The following HBS1L variants were observed in gnomAD, a reference collection of about 807,000 sequenced individuals.
HBS1L encodes the protein HBS1-like protein.
HBS1L carries 55 observed loss-of-function variants against 88.9 expected under a neutral mutation model. The observed-to-expected ratio is 0.62, with a 90% CI of 0.50 to 0.77. The LOEUF (loss-of-function observed/expected upper bound fraction) is 0.77, where lower values mean the gene tolerates loss of function less well. Among genes scored for constraint, HBS1L ranks in the 30% least tolerant of loss-of-function variants. HBS1L has a pLI of 0.00. For synonymous variants in HBS1L, 267 were observed against 288.5 expected, an observed-to-expected ratio of 0.93 and a Z score of 0.76; for missense variants, 741 against 829.3, an observed-to-expected ratio of 0.89 and a Z score of 1.31.
intron 4 of HBS1L, among the ~76,000 whole-genome samples, chr6:135,009,860 G>A (rs952976999): frequency 1.3e-5 from 2 of 150,342 alleles, no homozygotes; most frequent in African/African-American, 2.5e-5. Flanking sequence ...TCGATCTCCT[G>A]ACCTCGTGAT....
Position 135,048,457 on chromosome 6 carries a change from C to T in HBS1L, c.109+2125G>A, listed in dbSNP as rs1287559349. 2.0e-5 allele frequency among the ~76,000 whole-genome samples: 3 copies of T among 152,170 alleles called. No homozygotes were observed. The East Asian group carries it at 5.8e-4, about 29-fold the overall frequency. ...GGCACCAGCATCAGCCATGCAGTGCCTCCCTGCCCAGAGGTCTGAGTCCTG... is the reference window on the plus strand; with the variant it reads ...GGCACCAGCATCAGCCATGCAGTGCTTCCCTGCCCAGAGGTCTGAGTCCTG... On this transcript the variant is annotated intron_variant, in intron 2 of 17. Transcript: ENST00000367837.
At chr6:135,021,885 A>G (rs914281295) in intron 4 of HBS1L, among the ~76,000 whole-genome samples, 2 of 152,186 alleles carry the variant, frequency 1.3e-5, no homozygotes, top group African/African-American at 4.8e-5. Context: ...GCTGATATTC[A>G]AAATGTTAAT....
intron 2 of HBS1L, among the ~76,000 whole-genome samples, chr6:135,049,940 T>C (rs1265941017): frequency 6.6e-6 from 1 of 152,184 alleles, no homozygotes; most frequent in Non-Finnish European, 1.5e-5. Context: ...TGGAGACAAA[T>C]GTAGTGTTAG....
At chr6:135,037,377 A>T (rs1776587925) in intron 4 of HBS1L, 1 of 1,551,414 alleles carries the variant, frequency 6.4e-7, no homozygotes, top group Non-Finnish European at 8.7e-7. Flanking sequence ...CATTTTTAAA[A>T]GTGTGATTCT....
At chr6:135,049,261 A>T (rs1436097264) in intron 2 of HBS1L, among the ~76,000 whole-genome samples, 2 of 152,184 alleles carry the variant, frequency 1.3e-5, no homozygotes, top group Non-Finnish European at 2.9e-5. Flanking sequence ...CTAACATGAC[A>T]GAAGGGAAAG....
At chr6:134,994,429 T>C (rs980476782) in intron 7 of HBS1L, among the ~76,000 whole-genome samples, 6 of 152,276 alleles carry the variant, frequency 3.9e-5, no homozygotes, top group African/African-American at 1.4e-4. Flanking sequence ...TATTTAATTC[T>C]TCCTGGAGAC....
At chr6:134,984,408 T>A (rs866884802) in intron 12 of HBS1L, among the ~76,000 whole-genome samples, 3 of 152,122 alleles carry the variant, frequency 2.0e-5, no homozygotes, top group African/African-American at 7.2e-5. Flanking sequence ...CTAAGTGGGA[T>A]AAACAGACAG....
chr6:134,991,616 C>T (rs980396233), intron 8 of HBS1L, among the ~76,000 whole-genome samples: 1 of 152,276 alleles, frequency 6.6e-6, no homozygotes, highest in East Asian at 1.9e-4. Flanking sequence ...GGGATAATTA[C>T]TTTATTTCAA....
At chr6:135,016,218 C>A (rs1015731402) in intron 4 of HBS1L, among the ~76,000 whole-genome samples, 1 of 152,210 alleles carries the variant, frequency 6.6e-6, no homozygotes, top group Non-Finnish European at 1.5e-5. Context: ...GTCCAGATCA[C>A]GATTTTGTGA....
At chr6:135,004,034 G>T (rs1048410563) in intron 4 of HBS1L, among the ~76,000 whole-genome samples, 1 of 151,990 alleles carries the variant, frequency 6.6e-6, no homozygotes, top group Non-Finnish European at 1.5e-5. Flanking sequence ...CACCAGGATT[G>T]AATCCACATA....
At chr6:135,016,517 G>A (rs76625023) in intron 4 of HBS1L, among the ~76,000 whole-genome samples, 6,153 of 152,204 alleles carry the variant, frequency 0.04, 159 homozygotes, top group Non-Finnish European at 0.06. Flanking sequence ...TTGGGGAGGT[G>A]AGAAAGGTAT....
At position 134,964,414 on chromosome 6, in the gene HBS1L, A is replaced by G. The variant is rs1774252540; in HGVS notation, c.*865T>C. 1.3e-5 allele frequency: 2 copies of G among 152,208 alleles called. No individual in the cohort carries two copies. Among genetic ancestry groups the G allele is most frequent in the Non-Finnish European group, 2.9e-5 (2 of 68,036 alleles). The allele number at this position is 152,208 out of a possible 1,614,324, so 9.4% of individuals were successfully genotyped here. Reference sequence around the variant, plus strand: ...AGGTAAGCAAGATAAAGAAAGGGCCATCATAGGTATAATTCTAAAAGTGAG... The same window carrying G: ...AGGTAAGCAAGATAAAGAAAGGGCCGTCATAGGTATAATTCTAAAAGTGAG... On this transcript the variant is annotated 3_prime_UTR_variant, in exon 18 of 18. Coordinates refer to ENST00000367837, the MANE Select transcript of HBS1L (RefSeq NM_006620.4).
intron 4 of HBS1L, among the ~76,000 whole-genome samples, chr6:135,025,579 G>C (rs1776204072): frequency 6.6e-6 from 1 of 152,036 alleles, no homozygotes; most frequent in African/African-American, 2.4e-5. Context: ...AGTACAAGGT[G>C]GTCCGAGCTC....
chr6:134,986,849 G>C (rs780196984), intron 9 of HBS1L, 39 bp from the exon 10 acceptor site: 1 of 996,118 alleles, frequency 1.0e-6, no homozygotes, highest in Non-Finnish European at 1.5e-6. Context: ...CTATCCTTCA[G>C]AACATGATAC....
chr6:135,007,561 C>A (rs1775648144), intron 4 of HBS1L, among the ~76,000 whole-genome samples: 1 of 152,144 alleles, frequency 6.6e-6, no homozygotes, highest in South Asian at 2.1e-4. Flanking sequence ...CTGAGCTGTT[C>A]TTAACAGCAA....
chr6:135,033,952 AC>A (rs1432730770), intron 4 of HBS1L, among the ~76,000 whole-genome samples: 1 of 152,246 alleles, frequency 6.6e-6, no homozygotes, highest in Non-Finnish European at 1.5e-5. Context: ...ATTCAAAGTT[AC>A]TAAAATGTTT....
intron 2 of HBS1L, among the ~76,000 whole-genome samples, chr6:135,044,671 A>C (rs906864603): frequency 1.2e-4 from 18 of 152,166 alleles, no homozygotes; most frequent in African/African-American, 4.1e-4. Flanking sequence ...TAGATTTAAT[A>C]AAATGTGGCA....
intron 4 of HBS1L, among the ~76,000 whole-genome samples, chr6:135,022,194 G>A (rs1257671929): frequency 2.6e-5 from 4 of 151,924 alleles, no homozygotes; most frequent in African/African-American, 9.7e-5. Context: ...TTTGGCTAAA[G>A]TACTTAGTAA....
chr6:135,034,438 G>T (rs1253701318), intron 4 of HBS1L, among the ~76,000 whole-genome samples: 1 of 152,202 alleles, frequency 6.6e-6, no homozygotes, highest in Non-Finnish European at 1.5e-5. Flanking sequence ...GAGGTCAGGA[G>T]TTTGAGATCA....
Sources: gnomAD v4.1 joint callset for allele counts (sites outside exome capture counted in the v4.1 genomes callset) on GRCh38, gnomAD v4.1.1 for gene constraint, MANE v1.5 for transcripts, NCBI Gene and HGNC (gene_info 2026-07-23, HGNC 2026-07-21) for gene names.